Variants in CLVS1 observed in about 807,000 individuals in gnomAD.
The protein encoded by CLVS1 is clavesin 1.
Under a neutral mutation model 33.1 loss-of-function variants are expected in CLVS1, and 10 were observed. The observed-to-expected ratio is 0.30, with a 90% CI of 0.19 to 0.51. CLVS1 has a LOEUF of 0.51. Ranked by LOEUF, CLVS1 falls within the 20% of genes least tolerant of loss-of-function variation. CLVS1 has a pLI of 0.97. For missense variants in CLVS1, 343 were observed against 433.4 expected (o/e 0.79, Z 1.85); for synonymous variants, 163 against 166.1 (o/e 0.98, Z 0.14).
At chr8:61,408,238 G>T in intron 3 of CLVS1, among the ~76,000 whole-genome samples, 1 of 152,186 alleles carries the variant, frequency 6.6e-6, no homozygotes, top group Non-Finnish European at 1.5e-5. Flanking sequence ...GAGGATGTAA[G>T]GAAGCAATAG....
intron 3 of CLVS1, among the ~76,000 whole-genome samples, chr8:61,428,746 T>G (rs1815994313): frequency 6.6e-6 from 1 of 152,216 alleles, no homozygotes; most frequent in Non-Finnish European, 1.5e-5. Flanking sequence ...TGTGCATACT[T>G]AAATCCCACA....
In CLVS1 at chr8:61,419,718, T is replaced by C. The variant is rs140278680; in HGVS notation, c.631-34423T>C. On this transcript the variant is annotated intron_variant, in intron 3 of 5. Coordinates refer to ENST00000325897, the MANE Select transcript of CLVS1 (RefSeq NM_173519.3). Reference sequence around the variant, plus strand: ...CTCTAGGAGCTGAATACCTTAGTTATTCTCTTTTTCTTTCTTTAGGTCTCT... The same window carrying C: ...CTCTAGGAGCTGAATACCTTAGTTACTCTCTTTTTCTTTCTTTAGGTCTCT... 4.4e-3 allele frequency among the ~76,000 whole-genome samples: 676 copies of C among 152,324 alleles called. 6 individuals are homozygous for C. Among genetic ancestry groups the C allele is most frequent in the African/African-American group, 0.016 (654 of 41,562 alleles).
intron 2 of CLVS1, among the ~76,000 whole-genome samples, chr8:61,364,903 T>A (rs1474447602): frequency 6.6e-6 from 1 of 152,242 alleles, no homozygotes; most frequent in Non-Finnish European, 1.5e-5. Context: ...GTGCTTCCCA[T>A]GAAAAGCAAT....
chr8:61,462,565 G>T (rs1817406044), intron 5 of CLVS1, among the ~76,000 whole-genome samples: 1 of 152,114 alleles, frequency 6.6e-6, no homozygotes, highest in Non-Finnish European at 1.5e-5. Context: ...CTGCAGAATG[G>T]ATGTTGTGCT....
rs1315579700 is a variant in CLVS1 at position 61,300,000 on chromosome 8, A to G, written c.173A>G (p.Asp58Gly). 1.2e-5 allele frequency: 19 copies of G among 1,613,980 alleles called. No homozygotes were observed. The highest frequency in any genetic ancestry group is 1.5e-5 in the Non-Finnish European group (18 of 1,179,984). Residue 58 changes from aspartate (D) to glycine (G), a missense_variant, in exon 2 of 6, where the codon GAC (aspartate) becomes GGC (glycine). By Grantham distance (94) the Asp-to-Gly change is moderately conservative. This residue lies in a region of CLVS1 where 88 missense variants were observed against 77.3 expected (regional missense o/e 1.14). Transcript: ENST00000325897. The stretch of plus-strand genomic sequence containing the variant: ...CATCAGGATATTCAGCAAGTCAGGG[A>G]CATGATCATCACCAGGCCTGACATT... ...VLHQDIQQVR[D>G]MIITRPDIGF...
At chr8:61,371,979 G>A (rs1415030824) in intron 2 of CLVS1, among the ~76,000 whole-genome samples, 2 of 152,126 alleles carry the variant, frequency 1.3e-5, no homozygotes, top group African/African-American at 4.8e-5. Flanking sequence ...GCAATTTGCA[G>A]TTCACATAGT....
chr8:61,178,336 T>C (rs1224853031), intron 2 of CLVS1, among the ~76,000 whole-genome samples: 1 of 150,934 alleles, frequency 6.6e-6, no homozygotes, highest in Non-Finnish European at 1.5e-5. Flanking sequence ...ACCAAGAAAT[T>C]TGGGGCTATG....
At chr8:60,988,439 A>G in the CLVS1 span, among the ~76,000 whole-genome samples, 4 of 152,142 alleles carry the variant, frequency 2.6e-5, no homozygotes, top group African/African-American at 7.2e-5. Flanking sequence ...GTTCCTCATT[A>G]GGACATATGA....
chr8:61,437,976 C>T (rs1002163697), intron 3 of CLVS1, among the ~76,000 whole-genome samples: 1 of 152,186 alleles, frequency 6.6e-6, no homozygotes, highest in African/African-American at 2.4e-5. Context: ...TCAAATTCCA[C>T]TCGGCCTCTG....
intron 2 of CLVS1, among the ~76,000 whole-genome samples, chr8:61,273,075 T>C (rs1809480703): frequency 6.6e-6 from 1 of 151,120 alleles, no homozygotes; most frequent in South Asian, 2.1e-4. Flanking sequence ...CTCTGCTTTT[T>C]AGAGTTTCCA....
At chr8:61,319,143 T>C (rs1811110761) in intron 2 of CLVS1, among the ~76,000 whole-genome samples, 1 of 152,188 alleles carries the variant, frequency 6.6e-6, no homozygotes, top group African/African-American at 2.4e-5. Flanking sequence ...CCATGGCATT[T>C]AATTTTGTCA....
At chr8:60,977,597 G>T in the CLVS1 span, among the ~76,000 whole-genome samples, 1 of 152,124 alleles carries the variant, frequency 6.6e-6, no homozygotes, top group Non-Finnish European at 1.5e-5. Context: ...CAGGCAAAAT[G>T]AACTTGAGAC....
At chr8:61,142,685 A>G (rs2129293349) in intron 2 of CLVS1, among the ~76,000 whole-genome samples, 1 of 152,340 alleles carries the variant, frequency 6.6e-6, no homozygotes, top group East Asian at 1.9e-4. Context: ...GAACCTGAGC[A>G]AAACAGGCTT....
intron 2 of CLVS1, among the ~76,000 whole-genome samples, chr8:61,150,804 C>T (rs190911998): frequency 1.2e-4 from 18 of 152,236 alleles, no homozygotes; most frequent in Admixed American, 7.9e-4. Flanking sequence ...GGAGTTGATA[C>T]GTAGACATTG....
chr8:61,373,128 A>G (rs1383569825), intron 2 of CLVS1, among the ~76,000 whole-genome samples: 1 of 152,222 alleles, frequency 6.6e-6, no homozygotes, highest in Non-Finnish European at 1.5e-5. Context: ...CTAGGAGTCC[A>G]GAAGTCAAAG....
upstream of CLVS1, among the ~76,000 whole-genome samples, chr8:61,285,085 A>G (rs1413888562): frequency 6.6e-6 from 1 of 152,148 alleles, no homozygotes; most frequent in Admixed American, 6.5e-5. Flanking sequence ...ATGAGATTGG[A>G]CTAAAAAAAA....
chr8:61,206,535 C>T (rs1807845150), intron 2 of CLVS1, among the ~76,000 whole-genome samples: 1 of 151,994 alleles, frequency 6.6e-6, no homozygotes, highest in Admixed American at 6.6e-5. Context: ...ATTAGACTCC[C>T]TTGTTATGTA....
chr8:61,479,291 C>CT (rs1317391966), intron 5 of CLVS1, among the ~76,000 whole-genome samples: 1 of 152,168 alleles, frequency 6.6e-6, no homozygotes, highest in East Asian at 1.9e-4. Flanking sequence ...TTTTTTTATT[C>CT]TTTTTTCTCT....
intron 2 of CLVS1, among the ~76,000 whole-genome samples, chr8:61,151,081 T>G (rs981676415): frequency 6.6e-6 from 1 of 152,136 alleles, no homozygotes; most frequent in African/African-American, 2.4e-5. Flanking sequence ...TTTCAATGAA[T>G]GCATGAGCTA....
Sources: allele counts gnomAD v4.1 joint callset (sites outside exome capture counted in the v4.1 genomes callset), GRCh38; gene constraint gnomAD v4.1.1; regional missense constraint gnomAD v4.1.1; transcripts MANE v1.5; gene names NCBI Gene and HGNC (gene_info 2026-07-23, HGNC 2026-07-21).